Variants in PXDN observed in about 807,000 individuals in gnomAD.
The protein encoded by PXDN is peroxidasin.
In PXDN, 77 loss-of-function variants were observed where a neutral mutation model predicts 140.3. The ratio of observed to expected loss-of-function variants is 0.55; its 90% CI spans 0.46 to 0.66. PXDN has a LOEUF of 0.66. PXDN is among the 30% of genes least tolerant of loss of function. PXDN has a pLI of 0.00. For missense variants in PXDN, 1,838 were observed against 2,039.5 expected (o/e 0.90, Z 1.90); for synonymous variants, 911 against 857.4 (o/e 1.06, Z -1.09).
At chr2:1,720,652 T>C (rs1016102730) in intron 1 of PXDN, among the ~76,000 whole-genome samples, 4 of 151,380 alleles carry the variant, frequency 2.6e-5, no homozygotes, top group Admixed American at 6.6e-5. Context: ...CATCTCTTTC[T>C]CTCTCTCTGC....
Position 1,642,264 on chromosome 2 carries a change from C to A in PXDN, c.3952+1104G>T, listed in dbSNP as rs141120274. Among the ~76,000 whole-genome samples the A allele has an allele frequency of 5.7e-3, 873 of 152,276 alleles. 12 individuals carry two copies. The highest frequency in any genetic ancestry group is 0.02 in the African/African-American group (825 of 41,546). The stretch of plus-strand genomic sequence containing the variant: ...CACACACACACCCCACAGTCGCACA[C>A]AGACACAGAGGCACGCACTCTCTTA... On this transcript the variant is annotated intron_variant, in intron 19 of 22. Transcript: ENST00000252804.
At chr2:1,644,098 A>G (rs1020739030) in intron 18 of PXDN, among the ~76,000 whole-genome samples, 1 of 148,418 alleles carries the variant, frequency 6.7e-6, no homozygotes, top group Non-Finnish European at 1.5e-5. Context: ...AAAAAAAAAA[A>G]GAACGACAGT....
At chr2:1,641,683 G>T (rs1368065847) in intron 19 of PXDN, among the ~76,000 whole-genome samples, 1 of 152,216 alleles carries the variant, frequency 6.6e-6, no homozygotes, top group Non-Finnish European at 1.5e-5. Flanking sequence ...AATTGCTTCA[G>T]CAGCTAAGCC....
At chr2:1,647,092 C>G (rs1025531403) in intron 17 of PXDN, among the ~76,000 whole-genome samples, 17 of 152,174 alleles carry the variant, frequency 1.1e-4, no homozygotes, top group African/African-American at 4.1e-4. Context: ...GGTGGAGTTT[C>G]ACCATCTTGG....
chr2:1,668,529 G>A lies in PXDN; in HGVS notation c.1019-2043C>T, dbSNP rs531606543. Among the ~76,000 whole-genome samples, 3 of 150,352 alleles carry A rather than the reference G, an allele frequency of 2.0e-5. No homozygotes were observed. In the South Asian group the frequency reaches 6.5e-4, roughly 32 times the overall value. ...AGTGAACAGGCAACCTATAGAATGGGAGAAAATTTTTGCAATCTCTCCATC... is the reference window on the plus strand; with the variant it reads ...AGTGAACAGGCAACCTATAGAATGGAAGAAAATTTTTGCAATCTCTCCATC... On this transcript the variant is annotated intron_variant, in intron 9 of 22. Coordinates refer to ENST00000252804, the MANE Select transcript of PXDN (RefSeq NM_012293.3).
At chr2:1,734,909 C>T (rs1037404538) in intron 1 of PXDN, among the ~76,000 whole-genome samples, 2 of 151,598 alleles carry the variant, frequency 1.3e-5, no homozygotes, top group Non-Finnish European at 2.9e-5. Flanking sequence ...ATTTGCCTAT[C>T]CTATAAAAAT....
rs913400847 is a variant in PXDN, at chr2:1,685,651, C to T, written c.417-1500G>A. ...GGGGTATTTCAAGCCCCACGGAGAG[C>T]GATGGGTGTAAAAATCCCTCCACCC... On this transcript the variant is annotated intron_variant, in intron 4 of 22. Transcript: ENST00000252804. The surrounding 1 kb of genome is among the most constrained non-coding windows in gnomAD (Gnocchi z 5.1). Among the ~76,000 whole-genome samples the T allele has an allele frequency of 1.3e-5, 2 of 152,074 alleles. No homozygotes were observed. The highest frequency in any genetic ancestry group is 1.3e-4 in the Admixed American group (2 of 15,264).
rs112819177 is a variant in PXDN at position 1,738,396 on chromosome 2, G to T, written c.200+5860C>A. Among the ~76,000 whole-genome samples the T allele has an allele frequency of 2.9e-3, 447 of 152,212 alleles. 4 individuals carry two copies. The highest frequency in any genetic ancestry group is 0.01 in the African/African-American group (420 of 41,506). ...CCCAGCCCTGAGTTCCCCTCCCAGA[G>T]CACTGATGTGGGCCGGGCAGGACTG... On this transcript the variant is annotated intron_variant, in intron 1 of 22. Transcript: ENST00000252804.
intron 1 of PXDN, among the ~76,000 whole-genome samples, chr2:1,735,404 T>G (rs1685407206): frequency 6.6e-6 from 1 of 152,230 alleles, no homozygotes; most frequent in African/African-American, 2.4e-5. Flanking sequence ...ATTTATTAAA[T>G]AATAAGACTT....
chr2:1,728,962 CCAGGCTCCGCCCCGGGGAA>C (rs1229516073), intron 1 of PXDN, among the ~76,000 whole-genome samples: 1 of 152,200 alleles, frequency 6.6e-6, no homozygotes, highest in Non-Finnish European at 1.5e-5. Flanking sequence ...CCATGGCTAA[CCAGGCTCCGCCCCGGGGAA>C]CAGCAGGCAG....
intron 1 of PXDN, among the ~76,000 whole-genome samples, chr2:1,728,134 C>T (rs1325292596): frequency 6.6e-6 from 1 of 152,150 alleles, no homozygotes; most frequent in African/African-American, 2.4e-5. Context: ...AGACGGGTCT[C>T]GCCATTTTGC....
rs140144960 is a variant in PXDN, at chr2:1,653,464, G to A, written c.2104+164C>T. 1,068 of 1,079,776 alleles carry A rather than the reference G, an allele frequency of 9.9e-4. 24 individuals carry two copies. The East Asian group carries it at 0.025, about 25-fold the overall frequency. The allele number at this position is 1,079,776 out of a possible 1,614,324, so 66.9% of individuals were successfully genotyped here. A position where few individuals can be genotyped will look rare whatever the true frequency, so the allele number is the denominator to read the frequency against. On this transcript the variant is annotated intron_variant, in intron 16 of 22. Coordinates refer to ENST00000252804, the MANE Select transcript of PXDN (RefSeq NM_012293.3). The stretch of plus-strand genomic sequence containing the variant: ...AAACCAAAGTGAGAGCGACAGGGCT[G>A]TAGGGCTCAAGAGGAATCACAGTTT...
chr2:1,692,581 C>A (rs1486154296), intron 2 of PXDN: 5 of 471,962 alleles, frequency 1.1e-5, no homozygotes, highest in African/African-American at 4.0e-5. Flanking sequence ...CTGCACTGGG[C>A]GTGTCCTGCA....
At chr2:1,709,843 C>T (rs1012934820) in intron 1 of PXDN, among the ~76,000 whole-genome samples, 1 of 152,236 alleles carries the variant, frequency 6.6e-6, no homozygotes, top group African/African-American at 2.4e-5. Flanking sequence ...GAGATGCCAT[C>T]ATCTGCAGAC....
chr2:1,700,404 A>T (rs1684397651), intron 1 of PXDN, among the ~76,000 whole-genome samples: 1 of 152,026 alleles, frequency 6.6e-6, no homozygotes, highest in African/African-American at 2.4e-5. Context: ...TGCGCATCTT[A>T]ACATGTTACC....
At chr2:1,643,226 C>T (rs1261060066) in intron 19 of PXDN, 142 bp downstream of exon 19, 5 of 919,360 alleles carry the variant, frequency 5.4e-6, no homozygotes, top group Non-Finnish European at 6.5e-6. Flanking sequence ...AGCATGGATA[C>T]AGCACGATTT....
In PXDN at chr2:1,719,834, T is replaced by TGTGTG. The variant is rs1684976287; in HGVS notation, c.200+24421_200+24422insCACAC. 9.2e-5 allele frequency among the ~76,000 whole-genome samples: 10 copies of TGTGTG among 108,348 alleles called. No individual in the cohort carries two copies. In the East Asian group the frequency reaches 3.4e-3, roughly 37 times the overall value. 71.1% of individuals were successfully genotyped at this position (108,348 alleles called of 152,430 possible). ...CACAGGATGTGTGTACATGCGTGCA[T>TGTGTG]TGTGTGTGTGTGTGTGTGTGTGTGT... is the stretch of plus-strand genomic sequence containing the variant. On this transcript the variant is annotated intron_variant, in intron 1 of 22. Transcript: ENST00000252804.
chr2:1,683,853 C>A, intron 5 of PXDN, 126 bp from the exon 6 acceptor site: 1 of 890,350 alleles, frequency 1.1e-6, no homozygotes. Context: ...TTATTTAATA[C>A]AAATGAATCT....
rs952536255 is a variant in PXDN, at chr2:1,639,952, C to T, written c.3953-530G>A. Among the ~76,000 whole-genome samples, 1 of 152,240 alleles carries T rather than the reference C, an allele frequency of 6.6e-6. No individual in the cohort carries two copies. The highest frequency in any genetic ancestry group is 1.5e-5 in the Non-Finnish European group (1 of 68,042). On this transcript the variant is annotated intron_variant, in intron 19 of 22. Transcript: ENST00000252804. This position sits in a 1 kb window ranked among gnomAD's most constrained non-coding sequence, Gnocchi z 5.0. ...TGCCTAGGAGTGGCTTCCTTCTCAA[C>T]CTGTGGTGGACTGAGAAGCCCTCAG...
Sources: allele counts gnomAD v4.1 joint callset (sites outside exome capture counted in the v4.1 genomes callset), GRCh38; gene constraint gnomAD v4.1.1; non-coding constraint Gnocchi (gnomAD v3.1); transcripts MANE v1.5; gene names NCBI Gene and HGNC (gene_info 2026-07-23, HGNC 2026-07-21).